The following NRXN3 variants were observed in gnomAD, a reference collection of about 807,000 sequenced individuals.
The protein encoded by NRXN3 is neurexin III.
A neutral mutation model predicts 137.6 loss-of-function variants in NRXN3; 32 were observed. The observed-to-expected ratio is 0.23, with a 90% confidence interval of 0.18 to 0.31. The LOEUF is 0.31. Among genes scored for constraint, NRXN3 ranks in the 10% least tolerant of loss-of-function variants. NRXN3 has a pLI of 1.00. For synonymous variants in NRXN3, 798 were observed against 784.5 expected (o/e 1.02, Z -0.29); for missense variants, 1,574 against 2,062.5 (o/e 0.76, Z 4.59).
chr14:79,493,712 G>A (rs2096739303), intron 16 of NRXN3, among the ~76,000 whole-genome samples: 1 of 152,158 alleles, frequency 6.6e-6, no homozygotes, highest in Non-Finnish European at 1.5e-5. Flanking sequence ...TATATAGGAA[G>A]GCAGTTTGGG....
intron 15 of NRXN3, among the ~76,000 whole-genome samples, chr14:79,187,064 G>A (rs879659940): frequency 3.3e-5 from 5 of 152,148 alleles, no homozygotes; most frequent in Non-Finnish European, 7.3e-5. Context: ...TGCTGTGATA[G>A]TTAACCAAGG....
At chr14:78,781,597 T>A (rs987440616) in intron 8 of NRXN3, among the ~76,000 whole-genome samples, 1 of 152,184 alleles carries the variant, frequency 6.6e-6, no homozygotes, top group Non-Finnish European at 1.5e-5. Flanking sequence ...CCAAATTATA[T>A]ATGACCGCAT....
rs1204402948 is a variant in NRXN3, at chr14:79,861,193, G to T, written c.4094-149G>T. On this transcript the variant is annotated intron_variant, in intron 20 of 20. Coordinates refer to ENST00000335750, the MANE Select transcript of NRXN3 (RefSeq NM_001330195.2). The surrounding 1 kb of genome is among the most constrained non-coding windows in gnomAD (Gnocchi z 5.4). The stretch of plus-strand genomic sequence containing the variant: ...ATTCCCTGTCCATGACCTCTGAGGC[G>T]GGGTTACCTTGCTTGTCGGACCAAG... 3 of 1,533,304 alleles carry T rather than the reference G, an allele frequency of 2.0e-6. No homozygotes were observed. Among genetic ancestry groups the T allele is most frequent in the East Asian group, 4.9e-5 (2 of 40,856 alleles). The allele number at this position is 1,533,304 out of a possible 1,614,324, so 95.0% of individuals were successfully genotyped here.
In NRXN3 at chr14:79,719,402, G is replaced by GTA. The variant is rs143848752; in HGVS notation, c.4014+21482_4014+21483dup. On this transcript the variant is annotated intron_variant, in intron 19 of 20. Transcript: ENST00000335750. The stretch of plus-strand genomic sequence containing the variant: ...TATATGTGTGTGTATATATATGTGT[G>GTA]TATATATATATATATATACCTTTCC... 4.3e-3 allele frequency among the ~76,000 whole-genome samples: 617 copies of GTA among 142,284 alleles called. 1 individual carries two copies. The highest frequency in any genetic ancestry group is 0.012 in the African/African-American group (462 of 37,428). The allele number at this position is 142,284 out of a possible 152,430, so 93.3% of individuals were successfully genotyped here.
At chr14:79,307,214 A>G (rs1220016591) in intron 15 of NRXN3, among the ~76,000 whole-genome samples, 1 of 152,090 alleles carries the variant, frequency 6.6e-6, no homozygotes, top group Non-Finnish European at 1.5e-5. Context: ...ATGAGCCTCA[A>G]AAACATTAAA....
At chr14:79,453,489 G>C (rs1030586663) in intron 15 of NRXN3, among the ~76,000 whole-genome samples, 2 of 152,118 alleles carry the variant, frequency 1.3e-5, no homozygotes, top group African/African-American at 4.8e-5. Flanking sequence ...ATATTCAGTG[G>C]GTGTTATTTG....
chr14:78,439,007 G>T (rs138439730), intron 4 of NRXN3, among the ~76,000 whole-genome samples: 155 of 152,164 alleles, frequency 1.0e-3, no homozygotes, highest in African/African-American at 3.5e-3. Context: ...TGGAGGCAAA[G>T]AACATAGATT....
chr14:79,222,296 C>G (rs2069893587), intron 15 of NRXN3, among the ~76,000 whole-genome samples: 1 of 152,070 alleles, frequency 6.6e-6, no homozygotes, highest in African/African-American at 2.4e-5. Flanking sequence ...TGAAGAAATT[C>G]AATGGTAGCT....
rs575957399 is a variant in NRXN3 at position 79,247,863 on chromosome 14, A to G, written c.3263-219358A>G. 5.3e-4 allele frequency among the ~76,000 whole-genome samples: 81 copies of G among 151,854 alleles called. 1 individual carries two copies. The highest frequency in any genetic ancestry group is 1.8e-3 in the African/African-American group (75 of 41,404). On this transcript the variant is annotated intron_variant, in intron 15 of 20. Transcript: ENST00000335750. Reference sequence around the variant, plus strand: ...ATTCTTCTGCATCACAAGACCTTACATTGTGTGTGTTTACTGGCCTTCATA... The same window carrying G: ...ATTCTTCTGCATCACAAGACCTTACGTTGTGTGTGTTTACTGGCCTTCATA...
chr14:78,748,698 C>T (rs2098625960), intron 8 of NRXN3, among the ~76,000 whole-genome samples: 1 of 152,062 alleles, frequency 6.6e-6, no homozygotes, highest in Admixed American at 6.6e-5. Flanking sequence ...GCAGGACATG[C>T]TGATGATTGA....
At chr14:78,672,743 A>G (rs2097950223) in intron 6 of NRXN3, among the ~76,000 whole-genome samples, 1 of 152,224 alleles carries the variant, frequency 6.6e-6, no homozygotes. Flanking sequence ...ACATAGACAA[A>G]CAAAAAAGAA....
intron 4 of NRXN3, among the ~76,000 whole-genome samples, chr14:78,607,959 A>G (rs2097266363): frequency 6.6e-6 from 1 of 152,136 alleles, no homozygotes; most frequent in South Asian, 2.1e-4. Flanking sequence ...CTGTTAGGGG[A>G]ACTTGAGAAG....
intron 15 of NRXN3, among the ~76,000 whole-genome samples, chr14:79,153,793 A>G (rs148900842): frequency 2.1e-4 from 32 of 152,058 alleles, no homozygotes; most frequent in African/African-American, 7.2e-4. Flanking sequence ...CATTTTTTAA[A>G]TTTATCCAGT....
At chr14:78,356,617 C>T (rs1203515862) in intron 4 of NRXN3, among the ~76,000 whole-genome samples, 5 of 152,246 alleles carry the variant, frequency 3.3e-5, no homozygotes, top group South Asian at 2.1e-4. Context: ...TCCAGGCAGC[C>T]GACTTTGACT....
intron 15 of NRXN3, among the ~76,000 whole-genome samples, chr14:79,406,859 A>C (rs1004064935): frequency 6.6e-6 from 1 of 152,218 alleles, no homozygotes; most frequent in African/African-American, 2.4e-5. Context: ...AGTATTTGCT[A>C]TCAATAACAG....
intron 19 of NRXN3, among the ~76,000 whole-genome samples, chr14:79,749,277 G>A (rs540874292): frequency 1.2e-3 from 181 of 151,990 alleles, no homozygotes; most frequent in Non-Finnish European, 2.0e-3. Context: ...TGGGGTGTGG[G>A]GCTGCTTCAC....
intron 4 of NRXN3, among the ~76,000 whole-genome samples, chr14:78,314,930 T>TTCCTTCCTTCCTTC (rs2078450735): frequency 8.8e-6 from 1 of 113,056 alleles, no homozygotes; most frequent in African/African-American, 4.2e-5. Flanking sequence ...TTTCTTTCTT[T>TTCCTTCCTTCCTTC]CTTTCTTTCT....
intron 15 of NRXN3, among the ~76,000 whole-genome samples, chr14:79,405,688 G>T (rs917035740): frequency 6.6e-6 from 1 of 152,150 alleles, no homozygotes; most frequent in African/African-American, 2.4e-5. Flanking sequence ...CTCCCTTGTT[G>T]TCACAGACCC....
intron 4 of NRXN3, among the ~76,000 whole-genome samples, chr14:78,312,676 A>G (rs990263339): frequency 2.0e-5 from 3 of 151,746 alleles, no homozygotes; most frequent in South Asian, 2.1e-4. Context: ...GGGTTCTACC[A>G]TGTGTCTGAT....
Sources: allele counts gnomAD v4.1 joint callset (sites outside exome capture counted in the v4.1 genomes callset), GRCh38; gene constraint gnomAD v4.1.1; non-coding constraint Gnocchi (gnomAD v3.1); transcripts MANE v1.5; gene names NCBI Gene and HGNC (gene_info 2026-07-23, HGNC 2026-07-21).